Variants in OTUD7A observed in about 807,000 individuals in gnomAD.
OTUD7A encodes OTU deubiquitinase 7A.
A neutral mutation model predicts 65.7 loss-of-function variants in OTUD7A; 12 were observed. The observed-to-expected ratio is 0.18, with a 90% CI of 0.12 to 0.30. The LOEUF (loss-of-function observed/expected upper bound fraction) is 0.30, where lower values mean the gene tolerates loss of function less well. OTUD7A is among the 10% of genes least tolerant of loss of function. The probability of loss-of-function intolerance (pLI) is 1.00; values close to 1 mark genes in which losing one functional copy is unlikely to be tolerated. For synonymous variants in OTUD7A, 641 were observed against 586.3 expected, an observed-to-expected ratio of 1.09 and a Z score of -1.35; for missense variants, 1,148 against 1,304.8, an observed-to-expected ratio of 0.88 and a Z score of 1.85.
At chr15:31,601,814 T>A (rs546411770) in intron 3 of OTUD7A, among the ~76,000 whole-genome samples, 87 of 152,222 alleles carry the variant, frequency 5.7e-4, no homozygotes, top group Non-Finnish European at 1.1e-3. Flanking sequence ...TACCAGAGAA[T>A]ACTATAAACA....
At chr15:31,771,550 C>T (rs535237064) in intron 1 of OTUD7A, among the ~76,000 whole-genome samples, 29 of 152,300 alleles carry the variant, frequency 1.9e-4, no homozygotes, top group Non-Finnish European at 4.0e-4. Flanking sequence ...CATGAATGCA[C>T]GTCTACTACA....
rs1438424283 is a variant in OTUD7A, at chr15:31,481,310, G to C, written c.*1984C>G. 1 of 152,218 alleles carries C rather than the reference G, an allele frequency of 6.6e-6. No homozygotes were observed. Among genetic ancestry groups the C allele is most frequent in the Non-Finnish European group, 1.5e-5 (1 of 68,044 alleles). 9.4% of individuals were successfully genotyped at this position (152,218 alleles called of 1,614,324 possible). ...TTTAAGAGTGACGAGCATGAGGAGT[G>C]GCTGGCATCCACACCTGAAGCAACA... On this transcript the variant is annotated 3_prime_UTR_variant, in exon 13 of 13. Transcript: ENST00000307050.
chr15:31,551,152 C>A (rs1888310164), intron 5 of OTUD7A, among the ~76,000 whole-genome samples: 2 of 152,194 alleles, frequency 1.3e-5, no homozygotes, highest in South Asian at 4.1e-4. Context: ...TCAGACGTGA[C>A]CGCCCTGAAA....
chr15:31,529,567 C>T (rs2042059212), intron 6 of OTUD7A, among the ~76,000 whole-genome samples: 1 of 152,154 alleles, frequency 6.6e-6, no homozygotes, highest in African/African-American at 2.4e-5. Flanking sequence ...GCTCCAATGA[C>T]ATGGAGATGA....
At chr15:31,658,602 C>T (rs1464918337) in intron 1 of OTUD7A, among the ~76,000 whole-genome samples, 1 of 152,150 alleles carries the variant, frequency 6.6e-6, no homozygotes, top group Non-Finnish European at 1.5e-5. Context: ...CACACACATA[C>T]AGGTCTCAGA....
chr15:31,479,676 A>C lies in OTUD7A; in HGVS notation c.*3618T>G. 1 of 122,630 alleles carries C rather than the reference A, an allele frequency of 8.2e-6. No homozygotes were observed. Among genetic ancestry groups the C allele is most frequent in the African/African-American group, 3.4e-5 (1 of 29,420 alleles). 7.6% of individuals were successfully genotyped at this position (122,630 alleles called of 1,614,324 possible). The stretch of plus-strand genomic sequence containing the variant: ...GGACACTAAGTGGGGGGGGGGGGTG[A>C]TGGGCCCATGACCCCTCCCCAGAGA... On this transcript the variant is annotated 3_prime_UTR_variant, in exon 13 of 13. Coordinates refer to ENST00000307050, the MANE Select transcript of OTUD7A (RefSeq NM_001382637.1).
intron 1 of OTUD7A, among the ~76,000 whole-genome samples, chr15:31,803,256 G>C (rs1896181861): frequency 6.6e-6 from 1 of 152,074 alleles, no homozygotes; most frequent in Admixed American, 6.5e-5. Context: ...CTGCTGCCCA[G>C]GGCACTAGAA....
At chr15:31,785,626 G>A (rs993539016) in intron 1 of OTUD7A, among the ~76,000 whole-genome samples, 8 of 152,148 alleles carry the variant, frequency 5.3e-5, no homozygotes, top group African/African-American at 1.7e-4. Context: ...CCATGATTCT[G>A]ACTCTGGCCC....
At chr15:31,631,069 A>C (rs1427135688) in intron 3 of OTUD7A, among the ~76,000 whole-genome samples, 2 of 152,204 alleles carry the variant, frequency 1.3e-5, no homozygotes, top group African/African-American at 4.8e-5. Context: ...TTTTAATTGG[A>C]GCATTTAGCC....
chr15:31,814,164 C>T (rs1007054623), intron 1 of OTUD7A, among the ~76,000 whole-genome samples: 1 of 152,220 alleles, frequency 6.6e-6, no homozygotes, highest in Non-Finnish European at 1.5e-5. Context: ...CTCCACAAAC[C>T]CTCTTTCTGG....
At chr15:31,529,687 T>G (rs528696479) in intron 6 of OTUD7A, among the ~76,000 whole-genome samples, 2 of 152,222 alleles carry the variant, frequency 1.3e-5, no homozygotes, top group Admixed American at 1.3e-4. Context: ...TGTATTTCCC[T>G]TGAAGCCCTT....
At chr15:31,505,932 G>T (rs2041555912) in intron 8 of OTUD7A, among the ~76,000 whole-genome samples, 4 of 151,986 alleles carry the variant, frequency 2.6e-5, no homozygotes, top group Admixed American at 2.6e-4. Flanking sequence ...TGTATTTTTA[G>T]TAGAGACGTG....
rs561592777 is a variant in OTUD7A at position 31,769,970 on chromosome 15, A to G, written c.-100+100537T>C. On this transcript the variant is annotated intron_variant, in intron 1 of 12. Transcript: ENST00000307050. ...TCAATTTTGCGGTATGCCAATTCAAAAAATAAAATTAAAAATGTAACTATA... is the reference window on the plus strand; with the variant it reads ...TCAATTTTGCGGTATGCCAATTCAAGAAATAAAATTAAAAATGTAACTATA... 3.3e-5 allele frequency among the ~76,000 whole-genome samples: 5 copies of G among 152,222 alleles called. No homozygotes were observed. In the South Asian group the frequency reaches 1.0e-3, roughly 32 times the overall value.
chr15:31,796,188 T>TTATCTATCTATC (rs57720765), intron 1 of OTUD7A, among the ~76,000 whole-genome samples: 16 of 146,914 alleles, frequency 1.1e-4, no homozygotes, highest in African/African-American at 3.8e-4. Context: ...TATCTATGCA[T>TTATCTATCTATC]TATCTATCTA....
At chr15:31,629,811 T>A (rs189416253) in intron 3 of OTUD7A, among the ~76,000 whole-genome samples, 36 of 152,332 alleles carry the variant, frequency 2.4e-4, no homozygotes, top group Admixed American at 1.8e-3. Context: ...TCTTCCTGGT[T>A]TAGTCTTGGG....
chr15:31,566,912 T>TC (rs1291964449), intron 4 of OTUD7A, among the ~76,000 whole-genome samples: 2 of 152,194 alleles, frequency 1.3e-5, no homozygotes, highest in South Asian at 2.1e-4. Context: ...GCACCATGCT[T>TC]CCTATAAAGC....
intron 3 of OTUD7A, among the ~76,000 whole-genome samples, chr15:31,652,533 A>T (rs1433935917): frequency 6.6e-6 from 1 of 152,252 alleles, no homozygotes; most frequent in African/African-American, 2.4e-5. Context: ...CCCTGTTAAG[A>T]GACTGAAAAG....
chr15:31,634,769 G>A (rs752576493), intron 3 of OTUD7A, among the ~76,000 whole-genome samples: 26 of 152,324 alleles, frequency 1.7e-4, no homozygotes, highest in South Asian at 4.1e-4. Context: ...CACAGAAACC[G>A]CCCAAGGCTT....
At chr15:31,573,566 CCTCAGCTGTTATA>C (rs1316520139) in intron 3 of OTUD7A, among the ~76,000 whole-genome samples, 2 of 152,180 alleles carry the variant, frequency 1.3e-5, no homozygotes, top group African/African-American at 4.8e-5. Flanking sequence ...ATTTGCAATG[CCTCAGCTGTTATA>C]CATGAGACTG....
Sources: allele counts gnomAD v4.1 joint callset (sites outside exome capture counted in the v4.1 genomes callset), GRCh38; gene constraint gnomAD v4.1.1; transcripts MANE v1.5; gene names NCBI Gene and HGNC (gene_info 2026-07-23, HGNC 2026-07-21).